Variants in JAK3 observed in about 807,000 individuals in gnomAD.
The protein encoded by JAK3 is Janus kinase 3.
Under a neutral mutation model 120.8 loss-of-function variants are expected in JAK3, and 88 were observed. That is an observed-to-expected ratio of 0.73 (90% confidence interval 0.61 to 0.87). The LOEUF (loss-of-function observed/expected upper bound fraction) is 0.87, where lower values mean the gene tolerates loss of function less well. Among genes scored for constraint, JAK3 ranks in the 40% least tolerant of loss-of-function variants. The pLI is 0.00. For missense variants in JAK3, 1,254 were observed against 1,501.4 expected, an observed-to-expected ratio of 0.84 and a Z score of 2.72; for synonymous variants, 592 against 628.6, an observed-to-expected ratio of 0.94 and a Z score of 0.87.
In JAK3 at chr19:17,831,271, C is replaced by CT. The variant is rs1380154594; in HGVS notation, c.2934dup (p.Asp979ArgfsTer63). The stretch of plus-strand genomic sequence containing the variant: ...CCTGGCTCGCGGACCACGTAGTAGT[C>CT]TTTGTCAAGCGGCAGCAGCTTAGCT... On this transcript the variant is annotated frameshift_variant, in exon 21 of 24. Coordinates refer to ENST00000458235, the MANE Select transcript of JAK3 (RefSeq NM_000215.4). LOFTEE classifies it high-confidence loss of function. The surrounding 1 kb of genome is among the most constrained non-coding windows in gnomAD (Gnocchi z 5.1). The CT allele has an allele frequency of 6.2e-7, 1 of 1,612,684 alleles. No homozygotes were observed. Among genetic ancestry groups the CT allele is most frequent in the South Asian group, 1.1e-5 (1 of 91,082 alleles).
intron 9 of JAK3, 40 bp from the exon 10 acceptor site, chr19:17,839,703 G>C (rs2147691646): frequency 7.2e-7 from 1 of 1,379,516 alleles, no homozygotes; most frequent in Non-Finnish European, 1.0e-6. Flanking sequence ...CTGAGCGACA[G>C]ACACTCTCCT....
At chr19:17,830,402 G>T in intron 22 of JAK3, 101 bp downstream of exon 22, 1 of 1,016,474 alleles carries the variant, frequency 9.8e-7, no homozygotes, top group Non-Finnish European at 1.5e-6. Flanking sequence ...GGGACCAGGT[G>T]ACCCCATGCT....
chr19:17,846,838 G>T (rs2094253315), intron 1 of JAK3, among the ~76,000 whole-genome samples: 1 of 152,052 alleles, frequency 6.6e-6, no homozygotes, highest in South Asian at 2.1e-4. Flanking sequence ...GCCTGCCTTG[G>T]CCTCCCAAAG....
At chr19:17,838,589 G>C (rs377299683) in intron 10 of JAK3, among the ~76,000 whole-genome samples, 199 bp from the exon 11 acceptor site, 29 of 152,276 alleles carry the variant, frequency 1.9e-4, no homozygotes, top group African/African-American at 6.5e-4. Flanking sequence ...CTGTCATCCA[G>C]GCTGGGTGGG....
In JAK3 at chr19:17,841,875, C is replaced by T. The variant is rs2094240119; in HGVS notation, c.862-113G>A. ...ACTCCCTATCCCTTTGCCATTCAAC[C>T]CTTCCAAGCCGCGCCCCCTCCTATC... On this transcript the variant is annotated intron_variant, in intron 6 of 23. Coordinates refer to ENST00000458235, the MANE Select transcript of JAK3 (RefSeq NM_000215.4). This position sits in a 1 kb window ranked among gnomAD's most constrained non-coding sequence, Gnocchi z 4.1. 2 of 1,471,252 alleles carry T rather than the reference C, an allele frequency of 1.4e-6. No homozygotes were observed. The highest frequency in any genetic ancestry group is 1.4e-5 in the African/African-American group (1 of 72,156). The allele number at this position is 1,471,252 out of a possible 1,614,324, so 91.1% of individuals were successfully genotyped here.
rs546154574 is a variant in JAK3 at position 17,826,843 on chromosome 19, C to T, written c.3275G>A (p.Gly1092Asp). The T allele has an allele frequency of 3.1e-6, 5 of 1,613,916 alleles. No individual in the cohort carries two copies. Among genetic ancestry groups the T allele is most frequent in the Non-Finnish European group, 4.2e-6 (5 of 1,180,004 alleles). Residue 1092 changes from glycine (G) to aspartate (D), a missense_variant, in exon 24 of 24, where the codon GGC (glycine) becomes GAC (aspartate). Transcript: ENST00000458235. ...GCTCCACAGCATGTCCAGCTGGGGG[C>T]CCAGGGCGCTGAATGATGGCCGGTC... is the stretch of plus-strand genomic sequence containing the variant. Reference protein sequence around the residue: ...PQDRPSFSALGPQLDMLWSGS... With the variant: ...PQDRPSFSALDPQLDMLWSGS...
chr19:17,842,265 CCGAG>C lies in JAK3; in HGVS notation c.861+47_861+50del. ...TCCCCTACCACTCTCCGGCCCCTCCCCGAGCCCCGCCCCCACGTTGGCCCCGCCC... is the reference window on the plus strand; with the variant it reads ...TCCCCTACCACTCTCCGGCCCCTCCCCCCCGCCCCCACGTTGGCCCCGCCC... On this transcript the variant is annotated intron_variant, in intron 6 of 23. Coordinates refer to ENST00000458235, the MANE Select transcript of JAK3 (RefSeq NM_000215.4). The surrounding 1 kb of genome is among the most constrained non-coding windows in gnomAD (Gnocchi z 6.4). 8.0e-5 allele frequency: 113 copies of C among 1,413,812 alleles called. No individual in the cohort carries two copies. The highest frequency in any genetic ancestry group is 9.8e-5 in the Non-Finnish European group (104 of 1,064,050). The allele number at this position is 1,413,812 out of a possible 1,614,324, so 87.6% of individuals were successfully genotyped here.
chr19:17,830,139 C>G lies in JAK3; in HGVS notation c.3176G>C (p.Arg1059Thr), dbSNP rs768078854. 2 of 1,590,846 alleles carry G rather than the reference C, an allele frequency of 1.3e-6. No homozygotes were observed. Among genetic ancestry groups the G allele is most frequent in the South Asian group, 2.3e-5 (2 of 87,378 alleles). Residue 1059 changes from arginine (R) to threonine (T), a missense_variant, in exon 23 of 24, where the codon AGG becomes ACG. Arg to Thr is a moderately conservative substitution (Grantham distance 71). This residue lies in a region of JAK3 where 630 missense variants were observed against 819.8 expected (regional missense o/e 0.77). Coordinates refer to ENST00000458235, the MANE Select transcript of JAK3 (RefSeq NM_000215.4). ...AGGGCAGGCAGGAGGCGCCGGCAGC[C>G]TCTGGCCCTCCTCCAGCAGTTCCAA... ...RLLELLEEGQ[R>T]LPAPPACPAE...
intron 23 of JAK3, among the ~76,000 whole-genome samples, chr19:17,828,991 T>TA (rs578143902): frequency 2.6e-5 from 4 of 151,338 alleles, no homozygotes; most frequent in Non-Finnish European, 4.4e-5. Context: ...CCCATCTCTT[T>TA]AAAAAAATTT....
intron 17 of JAK3, 135 bp from the exon 18 acceptor site, chr19:17,833,064 G>T: frequency 6.8e-7 from 1 of 1,467,418 alleles, no homozygotes; most frequent in South Asian, 1.3e-5. Context: ...CAAGCCAAAG[G>T]GTACCTTGTG....
chr19:17,844,039 C>T (rs1243757920), intron 2 of JAK3, 139 bp from the exon 3 acceptor site: 60 of 1,247,924 alleles, frequency 4.8e-5, no homozygotes, highest in Non-Finnish European at 6.3e-5. Context: ...GCCGTCACAC[C>T]TCTCCGTCTG....
intron 23 of JAK3, among the ~76,000 whole-genome samples, chr19:17,827,488 C>T (rs2147670726): frequency 6.6e-6 from 1 of 151,582 alleles, no homozygotes; most frequent in South Asian, 2.1e-4. Flanking sequence ...GCTGGGATTA[C>T]ATGCACACAC....
chr19:17,834,821 C>T (rs202106206), intron 16 of JAK3, 31 bp downstream of exon 16: 6 of 1,613,540 alleles, frequency 3.7e-6, no homozygotes, highest in South Asian at 2.2e-5. Flanking sequence ...AGTGGGGGTT[C>T]GGAGACCGAT....
intron 21 of JAK3, 53 bp from the exon 22 acceptor site, chr19:17,830,673 G>T (rs902101943): frequency 1.4e-6 from 2 of 1,446,232 alleles, no homozygotes; most frequent in Non-Finnish European, 1.9e-6. Flanking sequence ...GACAGGAAGA[G>T]GGGGGCAGCC....
Position 17,826,579 on chromosome 19 carries a change from G to A in JAK3, c.*164C>T. The A allele has an allele frequency of 2.6e-6, 2 of 758,490 alleles. No individual in the cohort carries two copies. The highest frequency in any genetic ancestry group is 4.7e-6 in the Non-Finnish European group (2 of 427,280). 47.0% of individuals were successfully genotyped at this position (758,490 alleles called of 1,614,324 possible). On this transcript the variant is annotated 3_prime_UTR_variant, in exon 24 of 24. Coordinates refer to ENST00000458235, the MANE Select transcript of JAK3 (RefSeq NM_000215.4). The stretch of plus-strand genomic sequence containing the variant: ...CCTTAACAAATTGCAAAGGCCACAG[G>A]CTATTCTACAGGCCACGGGAGCCCC...
At position 17,840,816 on chromosome 19, in the gene JAK3, ATTGT is replaced by A. The variant is rs368885044; in HGVS notation, c.1143-479_1143-476del. Among the ~76,000 whole-genome samples, 162 of 150,558 alleles carry A rather than the reference ATTGT, an allele frequency of 1.1e-3. 1 individual carries two copies. The highest frequency in any genetic ancestry group is 4.4e-4 in the Non-Finnish European group (30 of 67,766). On this transcript the variant is annotated intron_variant, in intron 8 of 23. Transcript: ENST00000458235. ...CGTAAGTCTTGGCCTCTTCTGGGAG[ATTGT>A]TTGTTTGTTTGTTTGTTTTAATAGA...
Position 17,832,865 on chromosome 19 carries a change from A to G in JAK3, c.2415T>C (p.Gly805=), listed in dbSNP as rs773570975. ...GGTCTTGGCAGGCATAGAGCTGGGCACCATTCCACAGCCCATCACGAGGTG... is the reference window on the plus strand; with the variant it reads ...GGTCTTGGCAGGCATAGAGCTGGGCGCCATTCCACAGCCCATCACGAGGTG... ...ALAPRDGLWN[G]AQLYACQDPT... is the part of the protein sequence containing the mutation. The change falls in exon 18 of 24, where the codon GGT becomes GGC. Residue 805 remains glycine, a synonymous_variant. Coordinates refer to ENST00000458235, the MANE Select transcript of JAK3 (RefSeq NM_000215.4). The surrounding 1 kb of genome is among the most constrained non-coding windows in gnomAD (Gnocchi z 4.7). 2 of 1,614,204 alleles carry G rather than the reference A, an allele frequency of 1.2e-6. No homozygotes were observed. The highest frequency in any genetic ancestry group is 1.7e-6 in the Non-Finnish European group (2 of 1,180,036).
chr19:17,836,921 T>TCTGG, intron 13 of JAK3: 1 of 681,174 alleles, frequency 1.5e-6, no homozygotes, highest in East Asian at 2.8e-5. Flanking sequence ...TTCAGGTCAT[T>TCTGG]CTGGGGCTGG....
Position 17,830,639 on chromosome 19 carries a change from C to G in JAK3, c.2979-19G>C. 1 of 1,596,288 alleles carries G rather than the reference C, an allele frequency of 6.3e-7. No homozygotes were observed. The highest frequency in any genetic ancestry group is 1.1e-5 in the South Asian group (1 of 90,662). On this transcript the variant is annotated intron_variant, in intron 21 of 23. Coordinates refer to ENST00000458235, the MANE Select transcript of JAK3 (RefSeq NM_000215.4). ...GGCATACCTGGAGAGGGGACAAGGT[C>G]TTGAGATGCGAGGGTGTAGAAAGGA...
Sources: allele counts gnomAD v4.1 joint callset (sites outside exome capture counted in the v4.1 genomes callset), GRCh38; gene constraint gnomAD v4.1.1; regional missense constraint gnomAD v4.1.1; non-coding constraint Gnocchi (gnomAD v3.1); transcripts MANE v1.5; gene names NCBI Gene and HGNC (gene_info 2026-07-23, HGNC 2026-07-21).